ITPR1: variants seen among roughly 807,000 people sequenced by gnomAD.
ITPR1 encodes the protein inositol 1,4,5-trisphosphate-gated calcium channel ITPR1.
A neutral mutation model predicts 318.4 loss-of-function variants in ITPR1; 96 were observed. The observed-to-expected ratio is 0.30, with a 90% CI of 0.26 to 0.36. The LOEUF is 0.36. Ranked by LOEUF, ITPR1 falls within the 10% of genes least tolerant of loss-of-function variation. The pLI, the probability that ITPR1 is intolerant of heterozygous loss-of-function variation, is 1.00. For synonymous variants in ITPR1, 1,312 were observed against 1,289.9 expected, an observed-to-expected ratio of 1.02 and a Z score of -0.37; for missense variants, 2,440 against 3,460.2, an observed-to-expected ratio of 0.71 and a Z score of 7.40.
At chr3:4,681,622 A>AGAGTGAGAGAGAGAGAGAGCG (rs1491390120) in intron 26 of ITPR1, among the ~76,000 whole-genome samples, 1 of 51,148 alleles carries the variant, frequency 2.0e-5, no homozygotes, top group African/African-American at 9.0e-5. Flanking sequence ...AGAGAGAGAG[A>AGAGTGAGAGAGAGAGAGAGCG]AAGTGTGTGT....
intron 2 of ITPR1, among the ~76,000 whole-genome samples, chr3:4,504,050 T>G (rs773485338): frequency 9.6e-4 from 146 of 152,158 alleles, no homozygotes; most frequent in Non-Finnish European, 1.8e-3. Flanking sequence ...TTTCTACCCG[T>G]AAATTAAAGA....
At chr3:4,748,154 C>G (rs1008968499) in intron 44 of ITPR1, among the ~76,000 whole-genome samples, 10 of 152,192 alleles carry the variant, frequency 6.6e-5, no homozygotes, top group African/African-American at 2.4e-4. Flanking sequence ...GTGTCTTACC[C>G]AAAGTCACCC....
chr3:4,543,880 A>C (rs772824215), intron 4 of ITPR1, among the ~76,000 whole-genome samples: 1 of 152,210 alleles, frequency 6.6e-6, no homozygotes, highest in Non-Finnish European at 1.5e-5. Flanking sequence ...GAAAGTCTCA[A>C]AATCGTGTCT....
chr3:4,614,224 C>G (rs899568000), intron 4 of ITPR1, among the ~76,000 whole-genome samples: 1 of 152,312 alleles, frequency 6.6e-6, no homozygotes, highest in Non-Finnish European at 1.5e-5. Context: ...CTTGATCACG[C>G]CACTGTGCTC....
chr3:4,565,752 T>C (rs2087174188), intron 4 of ITPR1, among the ~76,000 whole-genome samples: 1 of 152,236 alleles, frequency 6.6e-6, no homozygotes, highest in Non-Finnish European at 1.5e-5. Context: ...GGAAATGTGA[T>C]TGATATTGAA....
chr3:4,749,826 T>G (rs115806700), intron 44 of ITPR1: 3,046 of 152,766 alleles, frequency 0.02, 47 homozygotes, highest in South Asian at 0.048. Context: ...ACGTGCTCCT[T>G]TTTAACCACC....
Position 4,788,117 on chromosome 3 carries a change from G to T in ITPR1, c.6786G>T (p.Met2262Ile). The T allele has an allele frequency of 6.2e-7, 1 of 1,604,284 alleles. No individual in the cohort carries two copies. Among genetic ancestry groups the T allele is most frequent in the Non-Finnish European group, 8.5e-7 (1 of 1,175,234 alleles). ...FLRSEDLFNEMNWQKKLRAQP... is the reference protein window; with the variant it reads ...FLRSEDLFNEINWQKKLRAQP... The stretch of plus-strand genomic sequence containing the variant: ...GGTCTGAAGACCTCTTCAATGAAAT[G>T]AATTGGCAGAAGAAACTGAGAGGTG... Residue 2262 changes from methionine (M) to isoleucine (I), a missense_variant, in exon 52 of 62, where the codon ATG becomes ATT. Around this residue, in one of 23 missense-constraint regions of ITPR1, gnomAD observed 115 missense variants for 204.5 expected, o/e 0.56. Coordinates refer to ENST00000649015, the MANE Select transcript of ITPR1 (RefSeq NM_001378452.1).
chr3:4,699,976 G>C (rs773203110), intron 35 of ITPR1, 35 bp downstream of exon 35: 26 of 1,596,502 alleles, frequency 1.6e-5, no homozygotes, highest in African/African-American at 4.0e-5. Flanking sequence ...GAATGTTCAC[G>C]ATACACCTTC....
At chr3:4,782,112 C>T (rs182066785) in intron 49 of ITPR1, among the ~76,000 whole-genome samples, 26 of 152,326 alleles carry the variant, frequency 1.7e-4, no homozygotes, top group African/African-American at 6.0e-4. Flanking sequence ...CTAGTTCGTG[C>T]TGTTATTTTC....
intron 32 of ITPR1, 139 bp from the exon 33 acceptor site, chr3:4,693,351 G>A: frequency 1.1e-6 from 1 of 910,222 alleles, no homozygotes; most frequent in South Asian, 1.6e-5. Context: ...TTATATAAAT[G>A]AATGAAGTCA....
intron 22 of ITPR1, among the ~76,000 whole-genome samples, 160 bp downstream of exon 22, chr3:4,674,503 A>T (rs2094146914): frequency 6.6e-6 from 1 of 152,256 alleles, no homozygotes; most frequent in African/African-American, 2.4e-5. Context: ...AGAATAAAAT[A>T]AAACGGATAC....
At chr3:4,636,328 A>T (rs1179076780) in intron 5 of ITPR1, among the ~76,000 whole-genome samples, 2 of 152,234 alleles carry the variant, frequency 1.3e-5, no homozygotes, top group Non-Finnish European at 2.9e-5. Flanking sequence ...TTCAGTGGTG[A>T]TGTGAAGGCT....
At chr3:4,696,596 C>T (rs1312979193) in intron 33 of ITPR1, among the ~76,000 whole-genome samples, 1 of 151,304 alleles carries the variant, frequency 6.6e-6, no homozygotes, top group Non-Finnish European at 1.5e-5. Context: ...TTTGTATAGA[C>T]ACATGTTTTC....
At chr3:4,571,846 G>C (rs4685767) in intron 4 of ITPR1, among the ~76,000 whole-genome samples, 146,250 of 152,242 alleles carry the variant, frequency 0.96, 70,303 homozygotes, top group Middle Eastern at 1. Context: ...TGAGACCCTT[G>C]TTTCATCTCT....
chr3:4,502,779 T>C (rs2081118205), intron 2 of ITPR1, among the ~76,000 whole-genome samples: 1 of 152,178 alleles, frequency 6.6e-6, no homozygotes, highest in South Asian at 2.1e-4. Context: ...TGAACTGGCA[T>C]CTTTCTTTGA....
chr3:4,594,930 G>A (rs1349805738), intron 4 of ITPR1, among the ~76,000 whole-genome samples: 1 of 116,280 alleles, frequency 8.6e-6, no homozygotes, highest in Non-Finnish European at 1.9e-5. Context: ...TGAGGAGGGG[G>A]AAGTATAGCA....
chr3:4,612,063 C>CTTTTTT (rs34678180), intron 4 of ITPR1, among the ~76,000 whole-genome samples: 6 of 108,562 alleles, frequency 5.5e-5, no homozygotes, highest in East Asian at 2.9e-4. Flanking sequence ...GTATCAGGCC[C>CTTTTTT]TTTTTTTTTT....
At chr3:4,657,653 T>C (rs972699454) in intron 12 of ITPR1, among the ~76,000 whole-genome samples, 1 of 151,966 alleles carries the variant, frequency 6.6e-6, no homozygotes, top group African/African-American at 2.4e-5. Context: ...TTTTTAGTAT[T>C]GACGGGGTTT....
At chr3:4,777,236 G>T (rs765602176) in intron 47 of ITPR1, 28 bp from the exon 48 acceptor site, 59 of 1,377,474 alleles carry the variant, frequency 4.3e-5, no homozygotes, top group Non-Finnish European at 5.9e-5. Flanking sequence ...CAGCGTTTGT[G>T]TGAATGTCTG....
Sources: gnomAD v4.1 joint callset for allele counts (sites outside exome capture counted in the v4.1 genomes callset) on GRCh38, gnomAD v4.1.1 for gene constraint, gnomAD v4.1.1 regional missense constraint, MANE v1.5 for transcripts, NCBI Gene and HGNC (gene_info 2026-07-23, HGNC 2026-07-21) for gene names.